The following TERT variants were observed in gnomAD, a reference collection of about 807,000 sequenced individuals.
TERT encodes the protein telomerase catalytic subunit.
In TERT, 42 loss-of-function variants were observed where a neutral mutation model predicts 104.0. That is an observed-to-expected ratio of 0.40 (90% CI 0.32 to 0.52). The LOEUF (loss-of-function observed/expected upper bound fraction) is 0.52, where lower values mean the gene tolerates loss of function less well. Ranked by LOEUF, TERT falls within the 20% of genes least tolerant of loss-of-function variation. The pLI, the probability that TERT is intolerant of heterozygous loss-of-function variation, is 0.43. For missense variants in TERT, 1,101 were observed against 1,610.3 expected, an observed-to-expected ratio of 0.68 and a Z score of 5.41; for synonymous variants, 781 against 725.6, an observed-to-expected ratio of 1.08 and a Z score of -1.23.
In TERT at chr5:1,294,979, G is replaced by A; in HGVS notation, c.11C>T (p.Ala4Val). 7.5e-7 allele frequency: 1 copy of A among 1,325,896 alleles called. No homozygotes were observed. Among genetic ancestry groups the A allele is most frequent in the East Asian group, 3.1e-5 (1 of 32,342 alleles). The allele number at this position is 1,325,896 out of a possible 1,614,324, so 82.1% of individuals were successfully genotyped here. A position where few individuals can be genotyped will look rare whatever the true frequency, so the allele number is the denominator to read the frequency against. MPR[A>V]PRCRAVRSLL... The stretch of plus-strand genomic sequence containing the variant: ...GGAGCGCACGGCTCGGCAGCGGGGA[G>A]CGCGCGGCATCGCGGGGGTGGCCGG... Residue 4 changes from alanine to valine, a missense_variant, in exon 1 of 16, where the codon GCT (alanine) becomes GTT (valine). Transcript: ENST00000310581.
rs772257175 is a variant in TERT at position 1,293,558 on chromosome 5, G to A, written c.1328C>T (p.Thr443Ile). 1.9e-6 allele frequency: 3 copies of A among 1,547,668 alleles called. No homozygotes were observed. The highest frequency in any genetic ancestry group is 2.6e-6 in the Non-Finnish European group (3 of 1,144,670). Residue 443 changes from threonine (T) to isoleucine (I), a missense_variant, in exon 2 of 16, where the codon ACA (threonine) becomes ATA (isoleucine). Around this residue, in one of 5 missense-constraint regions of TERT, gnomAD observed 504 missense variants for 544.6 expected, o/e 0.93. Transcript: ENST00000310581. ...GSVAAPEEED[T>I]DPRRLVQLLR... ...CAGCTGCACCAGGCGACGGGGGTCTGTGTCCTCCTCCTCGGGGGCCGCCAC... is the reference window on the plus strand; with the variant it reads ...CAGCTGCACCAGGCGACGGGGGTCTATGTCCTCCTCCTCGGGGGCCGCCAC...
Position 1,293,899 on chromosome 5 carries a change from C to A in TERT, c.987G>T (p.Lys329Asn). 6.5e-7 allele frequency: 1 copy of A among 1,542,444 alleles called. No individual in the cohort carries two copies. The highest frequency in any genetic ancestry group is 8.7e-7 in the Non-Finnish European group (1 of 1,146,998). The change falls in exon 2 of 16, where the codon AAG becomes AAT. Residue 329 changes from lysine (K) to asparagine (N), a missense_variant. Around this residue, in one of 5 missense-constraint regions of TERT, gnomAD observed 504 missense variants for 544.6 expected, o/e 0.93. Coordinates refer to ENST00000310581, the MANE Select transcript of TERT (RefSeq NM_198253.3). ...TPCPPVYAETKHFLYSSGDKE... is the reference protein window; with the variant it reads ...TPCPPVYAETNHFLYSSGDKE... ...TGTCGCCTGAGGAGTAGAGGAAGTG[C>A]TTGGTCTCGGCGTACACCGGGGGAC...
chr5:1,269,060 C>T lies in TERT; in HGVS notation c.2469-427G>A, dbSNP rs35333551. Among the ~76,000 whole-genome samples the T allele has an allele frequency of 4.3e-3, 648 of 151,998 alleles. 2 individuals carry two copies. Among genetic ancestry groups the T allele is most frequent in the Non-Finnish European group, 7.0e-3 (475 of 67,966 alleles). ...CTGCGCGCCAACGGATACAACCTTG[C>T]CCCTAGTTTCAGCATGACCAACGAG... On this transcript the variant is annotated intron_variant, in intron 8 of 15. Coordinates refer to ENST00000310581, the MANE Select transcript of TERT (RefSeq NM_198253.3). The surrounding 1 kb of genome is among the most constrained non-coding windows in gnomAD (Gnocchi z 9.0).
chr5:1,278,403 T>C (rs1228306394), intron 6 of TERT, among the ~76,000 whole-genome samples: 3 of 150,874 alleles, frequency 2.0e-5, no homozygotes, highest in African/African-American at 2.4e-5. Context: ...CACACACACA[T>C]GCACACCACA....
rs1750581565 is a variant in TERT at position 1,287,703 on chromosome 5, C to CCTCAG, written c.1574-5080_1574-5079insCTGAG. Among the ~76,000 whole-genome samples the CCTCAG allele has an allele frequency of 2.0e-5, 3 of 151,934 alleles. No individual in the cohort carries two copies. Among genetic ancestry groups the CCTCAG allele is most frequent in the Admixed American group, 2.0e-4 (3 of 15,234 alleles). On this transcript the variant is annotated intron_variant, in intron 2 of 15. Transcript: ENST00000310581. This position sits in a 1 kb window ranked among gnomAD's most constrained non-coding sequence, Gnocchi z 4.3. ...TACCACGTGCATGCACCTAACAATGCCTCACATAAATGCTACCAAACGAGA... is the reference window on the plus strand; with the variant it reads ...TACCACGTGCATGCACCTAACAATGCCTCAGCTCACATAAATGCTACCAAACGAGA...
At chr5:1,280,027 G>T in intron 4 of TERT, 131 bp downstream of exon 4, 2 of 1,226,256 alleles carry the variant, frequency 1.6e-6, no homozygotes, top group Non-Finnish European at 2.4e-6. Flanking sequence ...CGCACAAATG[G>T]GTTGGCGCCG....
At chr5:1,271,983 C>T (rs1056239530) in intron 7 of TERT, among the ~76,000 whole-genome samples, 3 of 152,268 alleles carry the variant, frequency 2.0e-5, no homozygotes, top group Non-Finnish European at 4.4e-5. Flanking sequence ...TGAGCAGGTG[C>T]CTGAATGCAG....
In TERT at chr5:1,275,100, C is replaced by T. The variant is rs1053758482; in HGVS notation, c.2287-2820G>A. On this transcript the variant is annotated intron_variant, in intron 6 of 15. Transcript: ENST00000310581. The stretch of plus-strand genomic sequence containing the variant: ...CTGCAGGAAGCGAGTCTCGGCCGGG[C>T]GCGGCGGTTCACACCTGTCATCCCA... Among the ~76,000 whole-genome samples, 33 of 152,288 alleles carry T rather than the reference C, an allele frequency of 2.2e-4. 1 individual carries two copies. Among genetic ancestry groups the T allele is most frequent in the Admixed American group, 1.2e-3 (18 of 15,304 alleles).
intron 2 of TERT, among the ~76,000 whole-genome samples, chr5:1,291,402 C>A (rs1015682567): frequency 5.5e-5 from 4 of 72,714 alleles, no homozygotes; most frequent in Non-Finnish European, 7.9e-5. Flanking sequence ...CAGCGCCTCA[C>A]TCACCCTGCA....
Position 1,294,752 on chromosome 5 carries a change from C to T in TERT, c.219+19G>A. On this transcript the variant is annotated intron_variant, in intron 1 of 15. Coordinates refer to ENST00000310581, the MANE Select transcript of TERT (RefSeq NM_198253.3). The stretch of plus-strand genomic sequence containing the variant: ...GCCGCCCTCAACCCCAGCCGGACGC[C>T]GACCCCGGGGAGGCCCACCTGGCGG... The T allele has an allele frequency of 1.9e-6, 3 of 1,555,496 alleles. 1 individual carries two copies. Among genetic ancestry groups the T allele is most frequent in the South Asian group, 2.3e-5 (2 of 85,376 alleles).
At position 1,287,509 on chromosome 5, in the gene TERT, ATATAT is replaced by A. The variant is rs1561208898; in HGVS notation, c.1574-4890_1574-4886del. ...CAAGACTCTGTCTCAAAAAAAAAAA[ATATAT>A]ATATATATATATAAATTAAAGGCAG... On this transcript the variant is annotated intron_variant, in intron 2 of 15. Transcript: ENST00000310581. This position sits in a 1 kb window ranked among gnomAD's most constrained non-coding sequence, Gnocchi z 4.3. Among the ~76,000 whole-genome samples the A allele has an allele frequency of 2.4e-5, 3 of 126,534 alleles. No individual in the cohort carries two copies. The highest frequency in any genetic ancestry group is 5.9e-5 in the African/African-American group (2 of 33,764). 83.0% of individuals were successfully genotyped at this position (126,534 alleles called of 152,430 possible).
intron 10 of TERT, among the ~76,000 whole-genome samples, chr5:1,264,828 G>A (rs773436517): frequency 1.1e-4 from 17 of 152,236 alleles, no homozygotes; most frequent in South Asian, 6.2e-4. Flanking sequence ...GCCTGGACCC[G>A]GGACAGCCAG....
At chr5:1,277,143 C>A (rs1472185234) in intron 6 of TERT, among the ~76,000 whole-genome samples, 2 of 152,216 alleles carry the variant, frequency 1.3e-5, no homozygotes, top group South Asian at 2.1e-4. Flanking sequence ...CACAATCCCA[C>A]GAGGCGGCTT....
chr5:1,254,504 C>A lies in TERT; in HGVS notation c.3159G>T (p.Gly1053=). 2 of 1,611,438 alleles carry A rather than the reference C, an allele frequency of 1.2e-6. No homozygotes were observed. Among genetic ancestry groups the A allele is most frequent in the South Asian group, 2.2e-5 (2 of 90,950 alleles). ...CYSILKAKNA[G]MSLGAKGAAG... ...CGGCGCCCTTGGCCCCCAGCGACAT[C>A]CCTGGGGGAAAACAGAGGCTGAGGA... Residue 1053 remains glycine, a splice_region_variant and synonymous_variant, in exon 15 of 16, where the codon GGG becomes GGT. Transcript: ENST00000310581.
At chr5:1,271,259 C>T in intron 7 of TERT, 55 bp from the exon 8 acceptor site, 2 of 1,344,410 alleles carry the variant, frequency 1.5e-6, no homozygotes, top group Non-Finnish European at 2.1e-6. Flanking sequence ...CTGAGACAGG[C>T]AGGACCACGT....
In TERT at chr5:1,261,046, T is replaced by A. The variant is rs569567162; in HGVS notation, c.2844-446A>T. On this transcript the variant is annotated intron_variant, in intron 11 of 15. Transcript: ENST00000310581. This position sits in a 1 kb window ranked among gnomAD's most constrained non-coding sequence, Gnocchi z 7.4. ...GAATCTCAGGGATGGAAGAGCCAGG[T>A]GGCACCAGCTAAACAGGGCTCCAGT... 6.6e-6 allele frequency among the ~76,000 whole-genome samples: 1 copy of A among 152,276 alleles called. No individual in the cohort carries two copies. Among genetic ancestry groups the A allele is most frequent in the East Asian group, 1.9e-4 (1 of 5,186 alleles).
rs762491880 is a variant in TERT at position 1,294,157 on chromosome 5, G to A, written c.729C>T (p.Ala243=). The change falls in exon 2 of 16, where the codon GCC becomes GCT. Residue 243 remains alanine (A), a synonymous_variant. Transcript: ENST00000310581. ...CAACGGGCGTCCGCTCCGGCTCAGG[G>A]GCAGCGCCACGCCTGGGCCTCTTGG... ...PLPKRPRRGA[A]PEPERTPVGQ... is the part of the protein sequence containing the mutation. 5.7e-6 allele frequency: 9 copies of A among 1,581,546 alleles called. No homozygotes were observed. The highest frequency in any genetic ancestry group is 6.9e-6 in the Non-Finnish European group (8 of 1,167,040).
At chr5:1,284,895 C>A (rs1437732478) in intron 2 of TERT, among the ~76,000 whole-genome samples, 1 of 150,096 alleles carries the variant, frequency 6.7e-6, no homozygotes, top group Non-Finnish European at 1.5e-5. Flanking sequence ...CACTCCAGAC[C>A]TGCACCATCC....
chr5:1,287,384 C>T lies in TERT; in HGVS notation c.1574-4760G>A, dbSNP rs912060035. ...GTGTAGCGGTGCGTGTCTGCAGTTCCAGCTATTCAGGAGGCTGAGGTGAGA... is the reference window on the plus strand; with the variant it reads ...GTGTAGCGGTGCGTGTCTGCAGTTCTAGCTATTCAGGAGGCTGAGGTGAGA... On this transcript the variant is annotated intron_variant, in intron 2 of 15. Coordinates refer to ENST00000310581, the MANE Select transcript of TERT (RefSeq NM_198253.3). The surrounding 1 kb of genome is among the most constrained non-coding windows in gnomAD (Gnocchi z 4.3). Among the ~76,000 whole-genome samples, 1 of 151,664 alleles carries T rather than the reference C, an allele frequency of 6.6e-6. No individual in the cohort carries two copies. Among genetic ancestry groups the T allele is most frequent in the Non-Finnish European group, 1.5e-5 (1 of 67,946 alleles).
Sources: allele counts gnomAD v4.1 joint callset (sites outside exome capture counted in the v4.1 genomes callset), GRCh38; gene constraint gnomAD v4.1.1; regional missense constraint gnomAD v4.1.1; non-coding constraint Gnocchi (gnomAD v3.1); transcripts MANE v1.5; gene names NCBI Gene and HGNC (gene_info 2026-07-23, HGNC 2026-07-21).